AHRR: variants seen among roughly 807,000 people sequenced by gnomAD.
AHRR encodes ahR repressor.
AHRR carries 28 observed loss-of-function variants against 44.0 expected under a neutral mutation model. The observed-to-expected ratio is 0.64, with a 90% confidence interval of 0.47 to 0.87. The LOEUF (loss-of-function observed/expected upper bound fraction) is 0.87, where lower values mean the gene tolerates loss of function less well. AHRR is among the 40% of genes least tolerant of loss of function. The pLI is 0.00. For missense variants in AHRR, 990 were observed against 953.9 expected (o/e 1.04, Z -0.50); for synonymous variants, 434 against 407.0 (o/e 1.07, Z -0.80).
At chr5:364,343 C>A (rs1043366845) in intron 3 of AHRR, among the ~76,000 whole-genome samples, 2 of 152,016 alleles carry the variant, frequency 1.3e-5, no homozygotes, top group Admixed American at 6.6e-5. Flanking sequence ...TAAATCAAAT[C>A]AAATCAAACA....
At position 434,226 on chromosome 5, in the gene AHRR, G is replaced by A. The variant is rs1455634402; in HGVS notation, c.1486G>A (p.Gly496Arg). Residue 496 changes from glycine (G) to arginine (R), a missense_variant, in exon 11 of 11, where the codon GGA becomes AGA. Coordinates refer to ENST00000684583, the MANE Select transcript of AHRR (RefSeq NM_001377236.1). ...RSLQHQLPQPGAQRFATRGYP... is the reference protein window; with the variant it reads ...RSLQHQLPQPRAQRFATRGYP... The stretch of plus-strand genomic sequence containing the variant: ...CCTGCAGCACCAGCTCCCTCAGCCT[G>A]GAGCTCAGCGTTTTGCCACGAGGGG... 6.3e-7 allele frequency: 1 copy of A among 1,590,974 alleles called. No homozygotes were observed. The highest frequency in any genetic ancestry group is 8.6e-7 in the Non-Finnish European group (1 of 1,168,588).
chr5:434,008 C>T lies in AHRR; in HGVS notation c.1268C>T (p.Pro423Leu), dbSNP rs770793264. 2.0e-5 allele frequency: 31 copies of T among 1,580,222 alleles called. No homozygotes were observed. The highest frequency in any genetic ancestry group is 4.1e-5 in the African/African-American group (3 of 74,010). ...RPRLQPSKNDPPSLRPMPRGS... is the reference protein window; with the variant it reads ...RPRLQPSKNDLPSLRPMPRGS... ...AGGCTGCAGCCCAGCAAGAATGACCCGCCCTCCCTGCGCCCCATGCCCCGC... is the reference window on the plus strand; with the variant it reads ...AGGCTGCAGCCCAGCAAGAATGACCTGCCCTCCCTGCGCCCCATGCCCCGC... The change falls in exon 11 of 11, where the codon CCG becomes CTG. Residue 423 changes from proline (P) to leucine (L), a missense_variant. Coordinates refer to ENST00000684583, the MANE Select transcript of AHRR (RefSeq NM_001377236.1).
At chr5:363,661 A>G (rs1290445873) in intron 3 of AHRR, among the ~76,000 whole-genome samples, 2 of 152,126 alleles carry the variant, frequency 1.3e-5, no homozygotes, top group Non-Finnish European at 2.9e-5. Context: ...TGTAAGAGGG[A>G]TACCAGGTCT....
chr5:355,172 T>C (rs1371876229), intron 3 of AHRR, among the ~76,000 whole-genome samples: 1 of 152,218 alleles, frequency 6.6e-6, no homozygotes, highest in Non-Finnish European at 1.5e-5. Context: ...TGGGTGGTGT[T>C]GGACTCAGTT....
intron 5 of AHRR, among the ~76,000 whole-genome samples, chr5:415,056 G>A (rs987201765): frequency 6.6e-6 from 1 of 152,250 alleles, no homozygotes; most frequent in African/African-American, 2.4e-5. Flanking sequence ...CCGGGGCAGT[G>A]GAGAAGTTCC....
intron 4 of AHRR, among the ~76,000 whole-genome samples, chr5:392,355 G>C (rs1392583201): frequency 8.0e-6 from 1 of 124,780 alleles, no homozygotes; most frequent in Non-Finnish European, 1.7e-5. Context: ...GGCGAGGCAG[G>C]GCCAGAGCGT....
In AHRR at chr5:432,525, G is replaced by T. The variant is rs1736777073; in HGVS notation, c.970+1G>T. 1.2e-6 allele frequency: 2 copies of T among 1,613,626 alleles called. No individual in the cohort carries two copies. Among genetic ancestry groups the T allele is most frequent in the Non-Finnish European group, 8.5e-7 (1 of 1,179,658 alleles). ...CATGGAAAACCCAATTACTCAGCAG[G>T]TACTTAGAACATTTCTTATCTGATC... On this transcript the variant is annotated splice_donor_variant, in intron 9 of 10. Transcript: ENST00000684583. LOFTEE classifies it high-confidence loss of function.
intron 7 of AHRR, among the ~76,000 whole-genome samples, chr5:424,825 C>G (rs765909489): frequency 1.3e-5 from 2 of 152,158 alleles, no homozygotes; most frequent in Non-Finnish European, 1.5e-5. Flanking sequence ...ATTTCTTCTT[C>G]CAGCTCCTCA....
chr5:418,046 C>T (rs1299858580), intron 5 of AHRR, among the ~76,000 whole-genome samples: 4 of 152,140 alleles, frequency 2.6e-5, no homozygotes, highest in Admixed American at 2.0e-4. Flanking sequence ...TAGAGCTCGT[C>T]GATCAGAGCA....
intron 4 of AHRR, among the ~76,000 whole-genome samples, chr5:394,348 G>C (rs1734611854): frequency 3.3e-5 from 1 of 30,522 alleles, no homozygotes; most frequent in Non-Finnish European, 6.0e-5. Flanking sequence ...CTGTGTGCTG[G>C]AGCCCTCTTG....
intron 1 of AHRR, among the ~76,000 whole-genome samples, chr5:336,245 T>G (rs2126341374): frequency 6.6e-6 from 1 of 152,296 alleles, no homozygotes; most frequent in East Asian, 1.9e-4. Context: ...CCTCACCCTC[T>G]CATACTGGGG....
At chr5:340,952 C>T (rs1367351819) in intron 1 of AHRR, among the ~76,000 whole-genome samples, 6 of 150,726 alleles carry the variant, frequency 4.0e-5, no homozygotes, top group Non-Finnish European at 8.9e-5. Flanking sequence ...CCTGCCTCAG[C>T]CTTCCAAAGT....
chr5:389,342 A>G (rs1734307127), intron 4 of AHRR, among the ~76,000 whole-genome samples: 2 of 152,206 alleles, frequency 1.3e-5, no homozygotes, highest in Non-Finnish European at 2.9e-5. Context: ...CCTGAAAACC[A>G]GAGAGATCGC....
At chr5:344,299 T>G (rs1742487854) in intron 2 of AHRR, among the ~76,000 whole-genome samples, 1 of 150,482 alleles carries the variant, frequency 6.6e-6, no homozygotes, top group South Asian at 2.1e-4. Context: ...CTTCCCAGGC[T>G]CCGCAGGCGA....
chr5:329,693 T>G (rs533489870), intron 1 of AHRR, among the ~76,000 whole-genome samples: 1 of 152,354 alleles, frequency 6.6e-6, no homozygotes, highest in South Asian at 2.1e-4. Flanking sequence ...TAATTTTCCT[T>G]GTAGAGTTTT....
At chr5:339,610 G>C (rs1742263269) in intron 1 of AHRR, among the ~76,000 whole-genome samples, 2 of 152,026 alleles carry the variant, frequency 1.3e-5, no homozygotes. Context: ...GCTTTGCCTT[G>C]TTCATGGTCT....
In AHRR at chr5:363,413, C is replaced by T. The variant is rs150454725; in HGVS notation, c.244+9502C>T. Among the ~76,000 whole-genome samples, 894 of 152,324 alleles carry T rather than the reference C, an allele frequency of 5.9e-3. 5 individuals carry two copies. The highest frequency in any genetic ancestry group is 0.01 in the Non-Finnish European group (700 of 68,026). ...TCCAGCTGGTCCCTTACACTCACTT[C>T]CTTAGCCCTAGGTGGCCGTGGTACC... On this transcript the variant is annotated intron_variant, in intron 3 of 10. Transcript: ENST00000684583.
At chr5:384,003 T>G (rs1322717797) in intron 4 of AHRR, among the ~76,000 whole-genome samples, 1 of 152,180 alleles carries the variant, frequency 6.6e-6, no homozygotes, top group African/African-American at 2.4e-5. Flanking sequence ...TTCAATCAAG[T>G]CTGACAATCT....
At chr5:423,706 G>T in intron 6 of AHRR, 135 bp from the exon 7 acceptor site, 1 of 1,224,950 alleles carries the variant, frequency 8.2e-7, no homozygotes, top group Non-Finnish European at 1.1e-6. Flanking sequence ...CTAGAGGGAT[G>T]CTGGGGGCGG....
Sources: allele counts gnomAD v4.1 joint callset (sites outside exome capture counted in the v4.1 genomes callset), GRCh38; gene constraint gnomAD v4.1.1; transcripts MANE v1.5; gene names NCBI Gene and HGNC (gene_info 2026-07-23, HGNC 2026-07-21).